Variants in NHSL1 observed in about 807,000 individuals in gnomAD.
NHSL1 encodes the protein NHS-like protein 1.
Under a neutral mutation model 95.0 loss-of-function variants are expected in NHSL1, and 48 were observed. That is an observed-to-expected ratio of 0.51 (90% CI 0.40 to 0.64). The LOEUF (loss-of-function observed/expected upper bound fraction) is 0.64, where lower values mean the gene tolerates loss of function less well. NHSL1 is among the 30% of genes least tolerant of loss of function. NHSL1 has a pLI of 0.00. For synonymous variants in NHSL1, 783 were observed against 833.9 expected, an observed-to-expected ratio of 0.94 and a Z score of 1.05; for missense variants, 1,971 against 2,077.7, an observed-to-expected ratio of 0.95 and a Z score of 1.00.
At chr6:138,592,276 A>T (rs76935648) in intron 1 of NHSL1, among the ~76,000 whole-genome samples, 1,778 of 152,308 alleles carry the variant, frequency 0.012, 26 homozygotes, top group African/African-American at 0.041. Context: ...ATAGAACACA[A>T]GATTCTTCAT....
At chr6:138,651,197 T>C (rs1215369368) in intron 1 of NHSL1, among the ~76,000 whole-genome samples, 2 of 152,234 alleles carry the variant, frequency 1.3e-5, no homozygotes, top group Non-Finnish European at 2.9e-5. Context: ...CAGTTTAACC[T>C]AAATGTTGAC....
upstream of NHSL1, among the ~76,000 whole-genome samples, chr6:138,500,853 T>C (rs1780638376): frequency 6.6e-6 from 1 of 152,268 alleles, no homozygotes; most frequent in Non-Finnish European, 1.5e-5. Context: ...TTATCATACA[T>C]ATTATCACAG....
At chr6:138,451,353 T>A (rs1179786753) in intron 3 of NHSL1, among the ~76,000 whole-genome samples, 1 of 152,194 alleles carries the variant, frequency 6.6e-6, no homozygotes, top group Non-Finnish European at 1.5e-5. Flanking sequence ...GAGTCCTCTT[T>A]TGTTGAGGTC....
chr6:138,516,221 G>A (rs2128304876), intron 1 of NHSL1, among the ~76,000 whole-genome samples: 1 of 152,304 alleles, frequency 6.6e-6, no homozygotes, highest in Middle Eastern at 3.4e-3. Context: ...TCATTTTGCT[G>A]GTAAGGTACA....
chr6:138,500,158 T>G (rs111658973), upstream of NHSL1, among the ~76,000 whole-genome samples: 21 of 152,300 alleles, frequency 1.4e-4, 4 homozygotes, highest in African/African-American at 5.1e-4. Flanking sequence ...CCTAATCATT[T>G]TAATCTTTAT....
intron 1 of NHSL1, among the ~76,000 whole-genome samples, chr6:138,603,076 T>C (rs1481872591): frequency 1.3e-5 from 2 of 152,220 alleles, no homozygotes; most frequent in Non-Finnish European, 2.9e-5. Flanking sequence ...GGAAAGAAGA[T>C]ACCTTCCACT....
chr6:138,562,403 T>A (rs1783444893), intron 1 of NHSL1, among the ~76,000 whole-genome samples: 1 of 152,180 alleles, frequency 6.6e-6, no homozygotes, highest in South Asian at 2.1e-4. Context: ...TCCCAGCACT[T>A]TGGGAGGCTG....
At chr6:138,656,898 C>G (rs1485858880) in intron 1 of NHSL1, among the ~76,000 whole-genome samples, 2 of 152,182 alleles carry the variant, frequency 1.3e-5, no homozygotes, top group East Asian at 3.8e-4. Flanking sequence ...AGATGCAAAT[C>G]CTCAGTGTGC....
chr6:138,515,196 G>A (rs1018782719), intron 1 of NHSL1, among the ~76,000 whole-genome samples: 3 of 152,142 alleles, frequency 2.0e-5, no homozygotes, highest in African/African-American at 7.2e-5. Flanking sequence ...AATATTTTCA[G>A]ATCTCAGTTG....
intron 1 of NHSL1, among the ~76,000 whole-genome samples, chr6:138,670,913 T>C (rs1785359521): frequency 1.3e-5 from 2 of 151,996 alleles, no homozygotes; most frequent in Admixed American, 1.3e-4. Context: ...CCCAGCACCC[T>C]GGGAGGCTGA....
chr6:138,480,207 C>G (rs1779330878), intron 2 of NHSL1, among the ~76,000 whole-genome samples: 1 of 152,204 alleles, frequency 6.6e-6, no homozygotes, highest in African/African-American at 2.4e-5. Flanking sequence ...TACTAAACTC[C>G]TGCAAATCGT....
upstream of NHSL1, among the ~76,000 whole-genome samples, chr6:138,500,231 T>C (rs1312259496): frequency 2.0e-5 from 3 of 152,218 alleles, no homozygotes; most frequent in Non-Finnish European, 4.4e-5. Context: ...CTTCCCTCAA[T>C]GTTGTCTCAA....
chr6:138,644,887 G>C (rs923267869), intron 1 of NHSL1, among the ~76,000 whole-genome samples: 6 of 152,122 alleles, frequency 3.9e-5, no homozygotes, highest in African/African-American at 1.4e-4. Flanking sequence ...ACAGATTTAA[G>C]GAATTTTACA....
intron 3 of NHSL1, among the ~76,000 whole-genome samples, chr6:138,455,748 C>T: frequency 2.0e-5 from 1 of 50,184 alleles, no homozygotes; most frequent in African/African-American, 4.3e-5. Flanking sequence ...CCCCGATGAA[C>T]AAGCTAGCAA....
intron 5 of NHSL1, among the ~76,000 whole-genome samples, chr6:138,437,198 C>CA (rs1776163774): frequency 6.7e-6 from 1 of 150,312 alleles, no homozygotes; most frequent in Non-Finnish European, 1.5e-5. Context: ...AGCTTGAACC[C>CA]AGGAGGCGGA....
At chr6:138,455,201 G>A (rs368480761) in intron 3 of NHSL1, among the ~76,000 whole-genome samples, 1 of 152,192 alleles carries the variant, frequency 6.6e-6, no homozygotes, top group African/African-American at 2.4e-5. Flanking sequence ...TACTCACAGA[G>A]ACCCAGTAAC....
chr6:138,450,221 A>T (rs4896357), intron 3 of NHSL1, among the ~76,000 whole-genome samples: 1,693 of 152,266 alleles, frequency 0.011, 35 homozygotes, highest in East Asian at 0.067. Context: ...CTTAAAATTA[A>T]TGTCACTGAA....
At chr6:138,439,114 T>C (rs1776366723) in intron 5 of NHSL1, among the ~76,000 whole-genome samples, 1 of 152,224 alleles carries the variant, frequency 6.6e-6, no homozygotes, top group Non-Finnish European at 1.5e-5. Context: ...CCAGAGTCTA[T>C]TATTTGTGGA....
At chr6:138,481,553 T>C (rs1271601427) in intron 2 of NHSL1, among the ~76,000 whole-genome samples, 1 of 152,206 alleles carries the variant, frequency 6.6e-6, no homozygotes, top group East Asian at 1.9e-4. Context: ...GTGTGTAGCA[T>C]ATCAAAGAGG....
Sources: allele counts gnomAD v4.1 joint callset (sites outside exome capture counted in the v4.1 genomes callset), GRCh38; gene constraint gnomAD v4.1.1; transcripts MANE v1.5; gene names NCBI Gene and HGNC (gene_info 2026-07-23, HGNC 2026-07-21).